Variants in EIF3E observed in about 807,000 individuals in gnomAD.
The protein encoded by EIF3E is eIF-3 p48.
EIF3E carries 25 observed loss-of-function variants against 59.3 expected under a neutral mutation model. The observed-to-expected ratio is 0.42, with a 90% CI of 0.31 to 0.59. EIF3E has a LOEUF of 0.59. EIF3E is among the 20% of genes least tolerant of loss of function. The pLI is 0.15. For missense variants in EIF3E, 317 were observed against 534.3 expected, an observed-to-expected ratio of 0.59 and a Z score of 4.01; for synonymous variants, 176 against 170.2, an observed-to-expected ratio of 1.03 and a Z score of -0.26.
chr8:108,240,522 A>G (rs1226125413), intron 2 of EIF3E, among the ~76,000 whole-genome samples: 1 of 152,242 alleles, frequency 6.6e-6, no homozygotes, highest in African/African-American at 2.4e-5. Flanking sequence ...ACAGGTTATC[A>G]ACTAGGTTGA....
At chr8:108,242,112 C>T (rs1815849507) in intron 1 of EIF3E, 199 bp from the exon 2 acceptor site, 1 of 1,448,754 alleles carries the variant, frequency 6.9e-7, no homozygotes. Flanking sequence ...TTTTACTTAC[C>T]TAAAAATTTT....
intron 10 of EIF3E, among the ~76,000 whole-genome samples, chr8:108,206,592 GCA>G (rs58104020): frequency 0.047 from 7,096 of 149,510 alleles, 449 homozygotes; most frequent in African/African-American, 0.14. Context: ...GTGCACATGT[GCA>G]CACACACACA....
intron 7 of EIF3E, among the ~76,000 whole-genome samples, chr8:108,219,936 A>G (rs1815375245): frequency 6.6e-6 from 1 of 152,184 alleles, no homozygotes; most frequent in Non-Finnish European, 1.5e-5. Flanking sequence ...TGAGGTCAGG[A>G]GTTTGACATC....
At chr8:108,239,858 C>T (rs77715387) in intron 3 of EIF3E, 100 bp downstream of exon 3, 30,845 of 938,250 alleles carry the variant, frequency 0.033, 680 homozygotes, top group Non-Finnish European at 0.041. Flanking sequence ...CTCATTTAAA[C>T]CATGAACTTT....
At chr8:108,242,702 G>A in intron 1 of EIF3E, 1 of 1,099,734 alleles carries the variant, frequency 9.1e-7, no homozygotes, top group Non-Finnish European at 1.1e-6. Context: ...TCCTATAAAT[G>A]AGTAAGACAA....
In EIF3E at chr8:108,229,065, C is replaced by A; in HGVS notation, c.597+5G>T. 1 of 1,587,780 alleles carries A rather than the reference C, an allele frequency of 6.3e-7. No homozygotes were observed. The highest frequency in any genetic ancestry group is 1.2e-5 in the South Asian group (1 of 86,704). ...AGAGAATAACTGTGAAAAAGTCGAA[C>A]TCACATTATTATCTATGGTCTCTTT... On this transcript the variant is annotated splice_donor_5th_base_variant and intron_variant, in intron 6 of 12. Coordinates refer to ENST00000220849, the MANE Select transcript of EIF3E (RefSeq NM_001568.3).
In EIF3E at chr8:108,228,962, T is replaced by C. The variant is rs3808591; in HGVS notation, c.597+108A>G. 5,877 of 1,225,258 alleles carry C rather than the reference T, an allele frequency of 4.8e-3. 253 individuals are homozygous for C. The Admixed American group carries it at 0.075, about 16-fold the overall frequency. 75.9% of individuals were successfully genotyped at this position (1,225,258 alleles called of 1,614,324 possible). On this transcript the variant is annotated intron_variant, in intron 6 of 12. Transcript: ENST00000220849. Reference sequence around the variant, plus strand: ...TTTTTGTAAGGTCAACAAAAGCTAATATGAATTTTTTTTTTTAATTCCCAA... The same window carrying C: ...TTTTTGTAAGGTCAACAAAAGCTAACATGAATTTTTTTTTTTAATTCCCAA...
intron 7 of EIF3E, among the ~76,000 whole-genome samples, chr8:108,219,264 C>G (rs1374368754): frequency 2.6e-5 from 4 of 152,094 alleles, no homozygotes; most frequent in African/African-American, 9.7e-5. Context: ...TGGAGGATTA[C>G]TTATTTGGGA....
At chr8:108,209,988 C>T (rs1291678740) in intron 10 of EIF3E, among the ~76,000 whole-genome samples, 3 of 150,396 alleles carry the variant, frequency 2.0e-5, no homozygotes, top group Non-Finnish European at 3.0e-5. Context: ...CATAGGGGGT[C>T]TTTTTATCAT....
rs552496266 is a variant in EIF3E at position 108,217,894 on chromosome 8, G to A, written c.723-434C>T. 1.4e-4 allele frequency among the ~76,000 whole-genome samples: 21 copies of A among 152,280 alleles called. No homozygotes were observed. The East Asian group carries it at 3.5e-3, about 25-fold the overall frequency. The stretch of plus-strand genomic sequence containing the variant: ...ACTTAAATTAAATAATTCAGGGGAT[G>A]AAAGACTGGAAGCAACGGGGAAGGA... On this transcript the variant is annotated intron_variant, in intron 7 of 12. Coordinates refer to ENST00000220849, the MANE Select transcript of EIF3E (RefSeq NM_001568.3).
At chr8:108,206,732 G>A (rs1815109983) in intron 10 of EIF3E, among the ~76,000 whole-genome samples, 1 of 152,114 alleles carries the variant, frequency 6.6e-6, no homozygotes, top group Non-Finnish European at 1.5e-5. Flanking sequence ...GAGCCCAGCA[G>A]TTTCAGACTG....
chr8:108,237,872 A>G (rs11985252), intron 3 of EIF3E, among the ~76,000 whole-genome samples: 2,117 of 152,332 alleles, frequency 0.014, 48 homozygotes, highest in African/African-American at 0.048. Context: ...TATATATTCA[A>G]TGAAATTTAA....
At chr8:108,201,984 CA>C in intron 12 of EIF3E, 61 bp from the exon 13 acceptor site, 22 of 1,450,502 alleles carry the variant, frequency 1.5e-5, no homozygotes, top group Non-Finnish European at 1.9e-5. Context: ...AAAAAACTAA[CA>C]TAGAAGAAAG....
Position 108,211,122 on chromosome 8 carries a change from T to C in EIF3E, c.1061+3485A>G, listed in dbSNP as rs187442810. On this transcript the variant is annotated intron_variant, in intron 10 of 12. Coordinates refer to ENST00000220849, the MANE Select transcript of EIF3E (RefSeq NM_001568.3). ...TTTGGGTATATGTCCAGTAATGGGA[T>C]GGCTGGGTCAAATGGTATTTCTAGT... 1.6e-3 allele frequency among the ~76,000 whole-genome samples: 237 copies of C among 152,334 alleles called. 1 individual carries two copies. The highest frequency in any genetic ancestry group is 3.4e-3 in the Middle Eastern group (1 of 294).
chr8:108,231,963 T>G (rs1815630925), intron 5 of EIF3E: 1 of 151,958 alleles, frequency 6.6e-6, no homozygotes, highest in African/African-American at 2.4e-5. Context: ...TTACAATAGC[T>G]CTTTCATAGC....
In EIF3E at chr8:108,240,068, T is replaced by C; in HGVS notation, c.213A>G (p.Arg71=). 2 of 1,613,030 alleles carry C rather than the reference T, an allele frequency of 1.2e-6. No homozygotes were observed. The highest frequency in any genetic ancestry group is 1.7e-6 in the Non-Finnish European group (2 of 1,179,020). The change falls in exon 3 of 13, where the codon AGA becomes AGG. Residue 71 remains arginine (R), a synonymous_variant. Coordinates refer to ENST00000220849, the MANE Select transcript of EIF3E (RefSeq NM_001568.3). ...LYSDDIPHAL[R]EKRTTVVAQL... is the part of the protein sequence containing the mutation. ...GTGCAACCACTGTGGTTCTTTTCTC[T>C]CTCAAAGCTAATTAAAAATGCAGAA... is the stretch of plus-strand genomic sequence containing the variant.
chr8:108,202,286 T>A (rs1022354858), intron 12 of EIF3E, among the ~76,000 whole-genome samples: 5 of 152,140 alleles, frequency 3.3e-5, no homozygotes, highest in Non-Finnish European at 7.4e-5. Flanking sequence ...TGAATTCTAA[T>A]GCATCCTTCT....
chr8:108,232,214 T>C (rs952295609), intron 5 of EIF3E, among the ~76,000 whole-genome samples: 1 of 152,188 alleles, frequency 6.6e-6, no homozygotes, highest in Non-Finnish European at 1.5e-5. Flanking sequence ...CTTTTAAGCT[T>C]GGCACTGTTA....
chr8:108,221,867 A>G (rs1306577868), intron 7 of EIF3E, among the ~76,000 whole-genome samples: 2 of 152,140 alleles, frequency 1.3e-5, no homozygotes, highest in Non-Finnish European at 2.9e-5. Context: ...ACTAAAACTG[A>G]AATTTCATGT....
Sources: gnomAD v4.1 joint callset for allele counts (sites outside exome capture counted in the v4.1 genomes callset) on GRCh38, gnomAD v4.1.1 for gene constraint, MANE v1.5 for transcripts, NCBI Gene and HGNC (gene_info 2026-07-23, HGNC 2026-07-21) for gene names.